Variants in MTMR8 observed in about 807,000 individuals in gnomAD.
MTMR8 encodes the protein myotubularin related protein 8.
MTMR8 carries 65 observed loss-of-function variants against 39.3 expected under a neutral mutation model. The observed-to-expected ratio is 1.65, with a 90% CI of 1.35 to 2.03. The LOEUF is 2.03. Ranked by LOEUF, MTMR8 falls within the 30% of genes most tolerant of loss-of-function variation. The probability of loss-of-function intolerance (pLI) is 0.00; values close to 1 mark genes in which losing one functional copy is unlikely to be tolerated. For missense variants in MTMR8, 777 were observed against 538.9 expected, an observed-to-expected ratio of 1.44 and a Z score of -4.37; for synonymous variants, 245 against 185.2, an observed-to-expected ratio of 1.32 and a Z score of -2.62.
At chrX:64,361,481 A>G (rs1923778618) in intron 1 of MTMR8, among the ~76,000 whole-genome samples, 1 of 111,844 alleles carries the variant, frequency 8.9e-6, no homozygotes, top group Non-Finnish European at 1.9e-5. Context: ...TTTAAAAAAT[A>G]CATTTTGATC....
intron 12 of MTMR8, among the ~76,000 whole-genome samples, chrX:64,301,791 TAACA>T (rs1474136041): frequency 8.9e-6 from 1 of 111,886 alleles, no homozygotes; most frequent in Non-Finnish European, 1.9e-5. Context: ...GTTTTCCTTC[TAACA>T]GACAGGACCC....
chrX:64,301,331 C>T (rs1602117704), intron 12 of MTMR8, among the ~76,000 whole-genome samples: 1 of 106,719 alleles, frequency 9.4e-6, no homozygotes, highest in East Asian at 3.0e-4. Flanking sequence ...TTCATTTCGT[C>T]TTCCATTGCT....
At chrX:64,304,544 G>A (rs1187742144) in intron 12 of MTMR8, among the ~76,000 whole-genome samples, 1 of 110,558 alleles carries the variant, frequency 9.0e-6, no homozygotes, top group African/African-American at 3.3e-5. Flanking sequence ...ACTTATGTGG[G>A]CATCCAATTC....
At chrX:64,389,241 A>G in intron 1 of MTMR8, among the ~76,000 whole-genome samples, 1 of 112,037 alleles carries the variant, frequency 8.9e-6, no homozygotes, top group Non-Finnish European at 1.9e-5. Context: ...CTAGAGAGGT[A>G]AAAAGACAGT....
intron 8 of MTMR8, among the ~76,000 whole-genome samples, chrX:64,338,786 A>G (rs1923141301): frequency 8.9e-6 from 1 of 111,963 alleles, no homozygotes; most frequent in South Asian, 3.8e-4. Context: ...AGGTAGTAGC[A>G]GTGGAGCTGA....
intron 7 of MTMR8, among the ~76,000 whole-genome samples, chrX:64,344,478 G>A (rs1230594711): frequency 2.7e-5 from 3 of 111,012 alleles, no homozygotes; most frequent in African/African-American, 9.8e-5. Flanking sequence ...GGAATCCTGG[G>A]TAGTGGTTTT....
At chrX:64,292,699 C>T (rs1334228763) in intron 12 of MTMR8, among the ~76,000 whole-genome samples, 2 of 110,965 alleles carry the variant, frequency 1.8e-5, no homozygotes, top group African/African-American at 6.6e-5. Context: ...GCCCTTATGT[C>T]CAGTCTCTCC....
chrX:64,308,970 T>C (rs1385189259), intron 12 of MTMR8, among the ~76,000 whole-genome samples: 3 of 112,119 alleles, frequency 2.7e-5, no homozygotes, highest in Non-Finnish European at 3.8e-5. Context: ...TTTGTACTTG[T>C]TGTTTGTTTG....
At chrX:64,280,995 T>C (rs973822396) in intron 12 of MTMR8, among the ~76,000 whole-genome samples, 4 of 110,756 alleles carry the variant, frequency 3.6e-5, no homozygotes, top group East Asian at 5.7e-4. Context: ...TAACAAGGGA[T>C]GTGAAGGACC....
At chrX:64,290,983 C>A (rs1921374398) in intron 12 of MTMR8, among the ~76,000 whole-genome samples, 1 of 111,631 alleles carries the variant, frequency 9.0e-6, no homozygotes, top group Admixed American at 9.5e-5. Flanking sequence ...GCCAAGAGTA[C>A]AATTTGTACA....
intron 12 of MTMR8, among the ~76,000 whole-genome samples, chrX:64,292,904 G>A (rs1921448233): frequency 9.0e-6 from 1 of 111,613 alleles, no homozygotes; most frequent in Admixed American, 9.5e-5. Flanking sequence ...ACCCTCAAAA[G>A]AGGCTTTGTG....
intron 12 of MTMR8, among the ~76,000 whole-genome samples, chrX:64,322,239 C>A (rs1922670120): frequency 9.1e-6 from 1 of 109,969 alleles, no homozygotes; most frequent in African/African-American, 3.3e-5. Context: ...ATCAAGTGAT[C>A]CTCCACGTTA....
intron 10 of MTMR8, among the ~76,000 whole-genome samples, chrX:64,332,035 AT>A (rs982045528): frequency 3.6e-5 from 4 of 111,858 alleles, no homozygotes; most frequent in Non-Finnish European, 7.5e-5. Flanking sequence ...ATGATGGAAA[AT>A]TTCTACAGTT....
intron 6 of MTMR8, among the ~76,000 whole-genome samples, chrX:64,346,740 G>A (rs1166969486): frequency 4.5e-5 from 5 of 110,029 alleles, no homozygotes; most frequent in Non-Finnish European, 9.5e-5. Context: ...TGTTAAAAGG[G>A]GCTTTTTGGT....
intron 12 of MTMR8, among the ~76,000 whole-genome samples, chrX:64,303,694 C>T (rs1266937170): frequency 1.8e-5 from 2 of 112,482 alleles, no homozygotes; most frequent in Non-Finnish European, 3.7e-5. Flanking sequence ...ACTACTTTAT[C>T]AGTCTTTATG....
intron 10 of MTMR8, among the ~76,000 whole-genome samples, chrX:64,335,777 A>T (rs1923056798): frequency 9.0e-6 from 1 of 111,589 alleles, no homozygotes; most frequent in Non-Finnish European, 1.9e-5. Context: ...GCCTACCCTG[A>T]CCTCTTCGTG....
At chrX:64,287,577 T>A (rs1337807632) in intron 12 of MTMR8, among the ~76,000 whole-genome samples, 1 of 111,009 alleles carries the variant, frequency 9.0e-6, no homozygotes, top group African/African-American at 3.3e-5. Context: ...ACTACAAGGC[T>A]ACAGTAACCA....
intron 1 of MTMR8, among the ~76,000 whole-genome samples, chrX:64,368,143 G>A (rs1924028231): frequency 9.0e-6 from 1 of 111,660 alleles, no homozygotes; most frequent in Admixed American, 9.5e-5. Context: ...CATGCTCATG[G>A]GTAGGAAGAA....
intron 1 of MTMR8, among the ~76,000 whole-genome samples, chrX:64,366,319 C>A (rs770846543): frequency 8.9e-6 from 1 of 111,998 alleles, no homozygotes; most frequent in African/African-American, 3.2e-5. Context: ...CTCAGCACTA[C>A]ATCGCACTTA....
Sources: gnomAD v4.1 joint callset for allele counts (sites outside exome capture counted in the v4.1 genomes callset) on GRCh38, gnomAD v4.1.1 for gene constraint, MANE v1.5 for transcripts, NCBI Gene and HGNC (gene_info 2026-07-23, HGNC 2026-07-21) for gene names.